IL17RC: variants seen among roughly 807,000 people sequenced by gnomAD.
IL17RC encodes the protein interleukin-17 receptor C.
Under a neutral mutation model 86.7 loss-of-function variants are expected in IL17RC, and 53 were observed. The ratio of observed to expected loss-of-function variants is 0.61; its 90% CI spans 0.49 to 0.77. The LOEUF (loss-of-function observed/expected upper bound fraction) is 0.77. Among genes scored for constraint, IL17RC ranks in the 30% least tolerant of loss-of-function variants. IL17RC has a pLI of 0.00. For missense variants in IL17RC, 957 were observed against 940.0 expected (o/e 1.02, Z -0.24); for synonymous variants, 439 against 413.1 (o/e 1.06, Z -0.76).
chr3:9,919,377 G>A (rs532164534), intron 5 of IL17RC, among the ~76,000 whole-genome samples: 25 of 152,108 alleles, frequency 1.6e-4, no homozygotes, highest in African/African-American at 5.8e-4. Flanking sequence ...GGGCACAGTG[G>A]TTCACACCTG....
chr3:9,924,305 C>G lies in IL17RC; in HGVS notation c.822+14C>G, dbSNP rs771027142. ...CTCTGTATTCAGGTAGGAGCAGAGT[C>G]TAGCTGGGTGCCAGAAGAGGAGTGG... is the stretch of plus-strand genomic sequence containing the variant. On this transcript the variant is annotated intron_variant, in intron 9 of 18. Transcript: ENST00000403601. The G allele has an allele frequency of 3.7e-6, 6 of 1,613,052 alleles. No homozygotes were observed. Among genetic ancestry groups the G allele is most frequent in the Middle Eastern group, 1.6e-4 (1 of 6,082 alleles).
At position 9,933,130 on chromosome 3, in the gene IL17RC, G is replaced by A. The variant is rs1418096457; in HGVS notation, c.1700G>A (p.Arg567Gln). ...QGPVAWFHAQ[R>Q]RQTLQEGGVV... ...CCCGTGGCTTGGTTTCACGCGCAGCGGCGCCAGACCCTGCAGGAGGGCGGC... is the reference window on the plus strand; with the variant it reads ...CCCGTGGCTTGGTTTCACGCGCAGCAGCGCCAGACCCTGCAGGAGGGCGGC... The change falls in exon 19 of 19, where the codon CGG (arginine) becomes CAG (glutamine). Residue 567 changes from arginine (R) to glutamine (Q), a missense_variant. Coordinates refer to ENST00000403601, the MANE Select transcript of IL17RC (RefSeq NM_153460.4). 2 of 1,591,212 alleles carry A rather than the reference G, an allele frequency of 1.3e-6. No individual in the cohort carries two copies. The highest frequency in any genetic ancestry group is 1.7e-6 in the Non-Finnish European group (2 of 1,172,662).
intron 9 of IL17RC, among the ~76,000 whole-genome samples, chr3:9,927,652 T>C (rs1363005503): frequency 6.6e-6 from 1 of 151,904 alleles, no homozygotes; most frequent in Non-Finnish European, 1.5e-5. Flanking sequence ...TAAAAGTCTG[T>C]TGAATGGGCC....
In IL17RC at chr3:9,928,560, C is replaced by T; in HGVS notation, c.1060-20C>T. On this transcript the variant is annotated intron_variant, in intron 11 of 18. Coordinates refer to ENST00000403601, the MANE Select transcript of IL17RC (RefSeq NM_153460.4). ...CGGGGGTCCCCTTTTGTGATCCCACCCATTCCTCTCTTTCCACAGAAGGTT... is the reference window on the plus strand; with the variant it reads ...CGGGGGTCCCCTTTTGTGATCCCACTCATTCCTCTCTTTCCACAGAAGGTT... 1 of 1,613,904 alleles carries T rather than the reference C, an allele frequency of 6.2e-7. No individual in the cohort carries two copies. Among genetic ancestry groups the T allele is most frequent in the Non-Finnish European group, 8.5e-7 (1 of 1,180,002 alleles).
intron 16 of IL17RC, among the ~76,000 whole-genome samples, chr3:9,931,470 C>CACATATATATATATAT (rs750351615): frequency 1.3e-3 from 58 of 43,616 alleles, no homozygotes; most frequent in Admixed American, 3.5e-3. Flanking sequence ...CACACACACA[C>CACATATATATATATAT]ATATATATAT....
intron 16 of IL17RC, among the ~76,000 whole-genome samples, chr3:9,931,453 TCACACACACA>T (rs201407577): frequency 2.2e-5 from 1 of 44,962 alleles, no homozygotes; most frequent in African/African-American, 5.2e-5. Flanking sequence ...TTTATATATT[TCACACACACA>T]CACACACATA....
In IL17RC at chr3:9,918,416, A is replaced by C; in HGVS notation, c.355+7A>C. 1.2e-6 allele frequency: 2 copies of C among 1,612,892 alleles called. No individual in the cohort carries two copies. Among genetic ancestry groups the C allele is most frequent in the Admixed American group, 1.7e-5 (1 of 59,858 alleles). On this transcript the variant is annotated splice_region_variant and intron_variant, in intron 4 of 18. Transcript: ENST00000403601. ...GTGGAGGAGCCTAGGAATGGTGAGGAGAACCTGGCTGGCCCAACTGCCCCA... is the reference window on the plus strand; with the variant it reads ...GTGGAGGAGCCTAGGAATGGTGAGGCGAACCTGGCTGGCCCAACTGCCCCA...
chr3:9,927,483 A>T (rs1275296922), intron 9 of IL17RC, among the ~76,000 whole-genome samples: 1 of 152,194 alleles, frequency 6.6e-6, no homozygotes, highest in African/African-American at 2.4e-5. Context: ...ACTTGAACCC[A>T]GGAGGCGGAG....
At position 9,933,230 on chromosome 3, in the gene IL17RC, C is replaced by T. The variant is rs759413861; in HGVS notation, c.1800C>T (p.Pro600=). ...GGCTACAGGATGGGGTGTCCGGGCC[C>T]GGGGCGCACGGCCCGCACGACGCCT... ...SEWLQDGVSG[P]GAHGPHDAFR... The change falls in exon 19 of 19, where the codon CCC becomes CCT. Residue 600 remains proline, a synonymous_variant. Transcript: ENST00000403601. The T allele has an allele frequency of 1.9e-6, 3 of 1,606,126 alleles. No individual in the cohort carries two copies. Among genetic ancestry groups the T allele is most frequent in the African/African-American group, 1.3e-5 (1 of 74,624 alleles).
At position 9,917,413 on chromosome 3, in the gene IL17RC, G is replaced by A; in HGVS notation, c.98G>A (p.Cys33Tyr). The A allele has an allele frequency of 6.2e-7, 1 of 1,614,190 alleles. No individual in the cohort carries two copies. The highest frequency in any genetic ancestry group is 1.1e-5 in the South Asian group (1 of 91,088). Residue 33 changes from cysteine (C) to tyrosine (Y), a missense_variant, in exon 1 of 19, where the codon TGC becomes TAC. Coordinates refer to ENST00000403601, the MANE Select transcript of IL17RC (RefSeq NM_153460.4). ...RLVGPQDATH[C>Y]SPGLSCRLWD... is the part of the protein sequence containing the mutation. Reference sequence around the variant, plus strand: ...GTGGGGCCTCAGGACGCTACCCACTGCTCTCCGGTGAGTCTGGAACCCTGG... The same window carrying A: ...GTGGGGCCTCAGGACGCTACCCACTACTCTCCGGTGAGTCTGGAACCCTGG...
intron 5 of IL17RC, among the ~76,000 whole-genome samples, chr3:9,919,598 A>G (rs2125138731): frequency 6.6e-6 from 1 of 152,226 alleles, no homozygotes; most frequent in South Asian, 2.1e-4. Flanking sequence ...GTGAGCCGAG[A>G]TCGCGCCACT....
At position 9,930,816 on chromosome 3, in the gene IL17RC, G is replaced by C; in HGVS notation, c.1339-79G>C. 1 of 1,283,912 alleles carries C rather than the reference G, an allele frequency of 7.8e-7. No individual in the cohort carries two copies. Among genetic ancestry groups the C allele is most frequent in the Non-Finnish European group, 1.1e-6 (1 of 879,046 alleles). The allele number at this position is 1,283,912 out of a possible 1,614,324, so 79.5% of individuals were successfully genotyped here. On this transcript the variant is annotated intron_variant, in intron 15 of 18. Coordinates refer to ENST00000403601, the MANE Select transcript of IL17RC (RefSeq NM_153460.4). This position sits in a 1 kb window ranked among gnomAD's most constrained non-coding sequence, Gnocchi z 5.8. Reference sequence around the variant, plus strand: ...ATGCATAGTTGATGCTGGGAATTTGGAGATCAGGCCACCAGAGCTTGGTGA... The same window carrying C: ...ATGCATAGTTGATGCTGGGAATTTGCAGATCAGGCCACCAGAGCTTGGTGA...
chr3:9,919,623 G>C (rs2083386038), intron 5 of IL17RC, among the ~76,000 whole-genome samples: 1 of 152,112 alleles, frequency 6.6e-6, no homozygotes, highest in South Asian at 2.1e-4. Flanking sequence ...TCCAGCCTGG[G>C]CGACAGAGCG....
chr3:9,932,766 G>T, intron 17 of IL17RC, 54 bp from the exon 18 acceptor site: 1 of 1,595,234 alleles, frequency 6.3e-7, no homozygotes, highest in Non-Finnish European at 8.5e-7. Context: ...GGAGTTCTCC[G>T]AGGGAAAGCG....
Position 9,930,868 on chromosome 3 carries a change from G to C in IL17RC, c.1339-27G>C. 6.2e-7 allele frequency: 1 copy of C among 1,611,856 alleles called. No homozygotes were observed. The highest frequency in any genetic ancestry group is 8.5e-7 in the Non-Finnish European group (1 of 1,177,912). ...TATTGGAACACCTGGCTGGTGCCCT[G>C]GATTTGGTTCTGTTTGTATCTTACA... is the stretch of plus-strand genomic sequence containing the variant. On this transcript the variant is annotated intron_variant, in intron 15 of 18. Transcript: ENST00000403601. This position sits in a 1 kb window ranked among gnomAD's most constrained non-coding sequence, Gnocchi z 5.8.
Position 9,920,477 on chromosome 3 carries a change from C to G in IL17RC, c.466-14C>G. ...GCCCTGCACCGCCAGCCTTCCTCAC[C>G]CCTCTCCTCACAGGGCTCTGTGGTA... is the stretch of plus-strand genomic sequence containing the variant. On this transcript the variant is annotated splice_polypyrimidine_tract_variant and intron_variant, in intron 5 of 18. Transcript: ENST00000403601. 1.3e-6 allele frequency: 2 copies of G among 1,548,822 alleles called. No homozygotes were observed. The highest frequency in any genetic ancestry group is 2.3e-5 in the South Asian group (2 of 86,290).
In IL17RC at chr3:9,932,662, C is replaced by T; in HGVS notation, c.1442C>T (p.Ala481Val). The T allele has an allele frequency of 6.2e-7, 1 of 1,614,222 alleles. No individual in the cohort carries two copies. Among genetic ancestry groups the T allele is most frequent in the Non-Finnish European group, 8.5e-7 (1 of 1,180,050 alleles). Reference protein sequence around the residue: ...VWLACLLFAAALSLILLLKKD... With the variant: ...VWLACLLFAAVLSLILLLKKD... ...CTGGCCTGCCTACTCTTTGCCGCTG[C>T]GCTTTCCCTCATCCTCCTTCTCAAA... is the stretch of plus-strand genomic sequence containing the variant. Residue 481 changes from alanine to valine, a missense_variant, in exon 17 of 19, where the codon GCG becomes GTG. Transcript: ENST00000403601.
Position 9,928,327 on chromosome 3 carries a change from C to G in IL17RC, c.900C>G (p.Leu300=), listed in dbSNP as rs2084303887. 1 of 1,604,296 alleles carries G rather than the reference C, an allele frequency of 6.2e-7. No homozygotes were observed. The highest frequency in any genetic ancestry group is 1.1e-5 in the South Asian group (1 of 90,476). Residue 300 remains leucine (L), a synonymous_variant, in exon 11 of 19, where the codon CTC becomes CTG. Coordinates refer to ENST00000403601, the MANE Select transcript of IL17RC (RefSeq NM_153460.4). ...FREDPRAHQN[L]WQAARLQLLT... is the part of the protein sequence containing the mutation. Reference sequence around the variant, plus strand: ...CAGACCCCCGCGCACACCAGAACCTCTGGCAAGCCGCCCGACTGCAACTGC... The same window carrying G: ...CAGACCCCCGCGCACACCAGAACCTGTGGCAAGCCGCCCGACTGCAACTGC...
At position 9,924,782 on chromosome 3, in the gene IL17RC, G is replaced by A. The variant is rs181765327; in HGVS notation, c.822+491G>A. Among the ~76,000 whole-genome samples, 682 of 152,202 alleles carry A rather than the reference G, an allele frequency of 4.5e-3. 3 individuals carry two copies. The highest frequency in any genetic ancestry group is 0.016 in the African/African-American group (655 of 41,522). ...TGCCACACCCAGGCTTAAATATGCT[G>A]GCTCTTTCCTCTTCCTCTGTACATT... On this transcript the variant is annotated intron_variant, in intron 9 of 18. Coordinates refer to ENST00000403601, the MANE Select transcript of IL17RC (RefSeq NM_153460.4).
Sources: allele counts gnomAD v4.1 joint callset (sites outside exome capture counted in the v4.1 genomes callset), GRCh38; gene constraint gnomAD v4.1.1; non-coding constraint Gnocchi (gnomAD v3.1); transcripts MANE v1.5; gene names NCBI Gene and HGNC (gene_info 2026-07-23, HGNC 2026-07-21).